The following ZDHHC21 variants were observed in gnomAD, a reference collection of about 807,000 sequenced individuals.
ZDHHC21 encodes the protein palmitoyltransferase ZDHHC21.
Under a neutral mutation model 34.6 loss-of-function variants are expected in ZDHHC21, and 15 were observed. The observed-to-expected ratio is 0.43, with a 90% CI of 0.29 to 0.67. ZDHHC21 has a LOEUF of 0.67. Among genes scored for constraint, ZDHHC21 ranks in the 30% least tolerant of loss-of-function variants. The probability of loss-of-function intolerance (pLI) is 0.14; values close to 1 mark genes in which losing one functional copy is unlikely to be tolerated. For synonymous variants in ZDHHC21, 142 were observed against 101.8 expected (o/e 1.40, Z -2.38); for missense variants, 344 against 327.7 (o/e 1.05, Z -0.38).
chr9:14,671,348 T>C (rs1835404861), intron 5 of ZDHHC21, among the ~76,000 whole-genome samples: 1 of 152,062 alleles, frequency 6.6e-6, no homozygotes, highest in Admixed American at 6.6e-5. Flanking sequence ...TATGTAATGC[T>C]TTGAGAAGAA....
chr9:14,681,330 C>G (rs2131606179), intron 2 of ZDHHC21, among the ~76,000 whole-genome samples: 1 of 152,272 alleles, frequency 6.6e-6, no homozygotes, highest in Admixed American at 6.5e-5. Context: ...AGCAATCCTC[C>G]TGCCTCAGCC....
chr9:14,627,656 T>C (rs1024833396), intron 8 of ZDHHC21, among the ~76,000 whole-genome samples: 5 of 152,118 alleles, frequency 3.3e-5, no homozygotes, highest in African/African-American at 1.2e-4. Flanking sequence ...ATATAAAAAT[T>C]AGATAAACTG....
In ZDHHC21 at chr9:14,674,361, T is replaced by G. The variant is rs755880107; in HGVS notation, c.-21A>C. The G allele has an allele frequency of 7.0e-6, 11 of 1,576,238 alleles. No homozygotes were observed. Among genetic ancestry groups the G allele is most frequent in the Non-Finnish European group, 9.4e-6 (11 of 1,165,548 alleles). On this transcript the variant is annotated 5_prime_UTR_variant, in exon 4 of 10. Coordinates refer to ENST00000380916, the MANE Select transcript of ZDHHC21 (RefSeq NM_178566.6). ...CCCATTTTGCAATCTTATAACTGCC[T>G]GCTAACCCACAAGGAAGGATGATCC...
chr9:14,672,829 C>G lies in ZDHHC21; in HGVS notation c.253+1G>C. On this transcript the variant is annotated splice_donor_variant, in intron 5 of 9. Coordinates refer to ENST00000380916, the MANE Select transcript of ZDHHC21 (RefSeq NM_178566.6). LOFTEE classifies it high-confidence loss of function. The stretch of plus-strand genomic sequence containing the variant: ...AAACTGATAAATCCAGAGTACCATA[C>G]CTCCATGTGGGATCTTGGGGTTCTC... The G allele has an allele frequency of 6.2e-7, 1 of 1,601,038 alleles. No homozygotes were observed. Among genetic ancestry groups the G allele is most frequent in the South Asian group, 1.1e-5 (1 of 89,462 alleles).
intron 8 of ZDHHC21, among the ~76,000 whole-genome samples, chr9:14,638,380 T>C (rs373612172): frequency 3.3e-5 from 5 of 152,124 alleles, no homozygotes; most frequent in South Asian, 2.1e-4. Flanking sequence ...TCTCACCATA[T>C]ACAGAAACCA....
rs778230052 is a variant in ZDHHC21, at chr9:14,674,372, A to G, written c.-32T>C. On this transcript the variant is annotated 5_prime_UTR_variant, in exon 4 of 10. Coordinates refer to ENST00000380916, the MANE Select transcript of ZDHHC21 (RefSeq NM_178566.6). ...ATCTTATAACTGCCTGCTAACCCAC[A>G]AGGAAGGATGATCCTAAGGAGAAGG... 6.4e-7 allele frequency: 1 copy of G among 1,569,244 alleles called. No individual in the cohort carries two copies. Among genetic ancestry groups the G allele is most frequent in the Non-Finnish European group, 8.6e-7 (1 of 1,162,334 alleles).
intron 7 of ZDHHC21, among the ~76,000 whole-genome samples, chr9:14,657,054 G>T (rs1305076539): frequency 2.0e-5 from 3 of 151,694 alleles, no homozygotes; most frequent in Non-Finnish European, 4.4e-5. Flanking sequence ...TTAAAAAAAG[G>T]TGACTGTCTA....
intron 9 of ZDHHC21, 123 bp from the exon 10 acceptor site, chr9:14,619,221 A>T (rs1564191165): frequency 5.7e-6 from 6 of 1,058,872 alleles, no homozygotes; most frequent in Non-Finnish European, 7.8e-6. Flanking sequence ...CCAGCATCAT[A>T]AATACAGCTT....
chr9:14,635,163 C>A (rs1376974561), intron 8 of ZDHHC21, among the ~76,000 whole-genome samples: 1 of 152,040 alleles, frequency 6.6e-6, no homozygotes, highest in East Asian at 1.9e-4. Context: ...AAAAAAAGAA[C>A]AAAGACTACA....
chr9:14,600,061 C>G, the ZDHHC21 span, among the ~76,000 whole-genome samples: 2 of 152,146 alleles, frequency 1.3e-5, no homozygotes, highest in African/African-American at 4.8e-5. Flanking sequence ...GCTGAATGGG[C>G]AAAAGCTGGA....
At position 14,618,769 on chromosome 9, in the gene ZDHHC21, A is replaced by T; in HGVS notation, c.*197T>A. ...GCTAATTTGAAAGTAAACATGCTTT[A>T]AAACTTAAATATAGATCTTGTATTA... is the stretch of plus-strand genomic sequence containing the variant. On this transcript the variant is annotated 3_prime_UTR_variant, in exon 10 of 10. Coordinates refer to ENST00000380916, the MANE Select transcript of ZDHHC21 (RefSeq NM_178566.6). 2.1e-6 allele frequency: 1 copy of T among 484,074 alleles called. No individual in the cohort carries two copies. The highest frequency in any genetic ancestry group is 3.3e-6 in the Non-Finnish European group (1 of 306,176). 30.0% of individuals were successfully genotyped at this position (484,074 alleles called of 1,614,324 possible). A position where few individuals can be genotyped will look rare whatever the true frequency, so the allele number is the denominator to read the frequency against.
At chr9:14,638,127 T>C (rs200023108) in intron 8 of ZDHHC21, among the ~76,000 whole-genome samples, 1 of 152,082 alleles carries the variant, frequency 6.6e-6, no homozygotes, top group East Asian at 1.9e-4. Flanking sequence ...CAAAGTATAT[T>C]ATGAGGCTAC....
At chr9:14,635,383 T>C (rs901379301) in intron 8 of ZDHHC21, among the ~76,000 whole-genome samples, 2 of 152,114 alleles carry the variant, frequency 1.3e-5, no homozygotes, top group Non-Finnish European at 2.9e-5. Context: ...ATTTGGCACA[T>C]CATAATCAAA....
intron 3 of ZDHHC21, among the ~76,000 whole-genome samples, chr9:14,674,830 G>A (rs954566263): frequency 6.6e-6 from 1 of 151,918 alleles, no homozygotes; most frequent in Non-Finnish European, 1.5e-5. Flanking sequence ...GTTACCTTGT[G>A]GTTGCAGGGG....
intron 2 of ZDHHC21, among the ~76,000 whole-genome samples, chr9:14,680,637 A>T (rs1040557976): frequency 6.6e-6 from 1 of 152,312 alleles, no homozygotes; most frequent in East Asian, 1.9e-4. Context: ...ATTCAAGCTT[A>T]AAAAAACATA....
At chr9:14,664,495 C>G (rs1256663267) in intron 5 of ZDHHC21, among the ~76,000 whole-genome samples, 66 of 151,832 alleles carry the variant, frequency 4.3e-4, no homozygotes, top group East Asian at 3.1e-3. Context: ...CTCGAACTGG[C>G]TGGAGCCCAC....
intron 7 of ZDHHC21, among the ~76,000 whole-genome samples, chr9:14,642,929 G>A (rs918432402): frequency 6.6e-6 from 1 of 151,324 alleles, no homozygotes; most frequent in African/African-American, 2.4e-5. Context: ...TAAAACACAT[G>A]TGTTCAGTTT....
At chr9:14,663,137 C>T (rs893700000) in intron 5 of ZDHHC21, among the ~76,000 whole-genome samples, 3 of 151,968 alleles carry the variant, frequency 2.0e-5, no homozygotes, top group South Asian at 2.1e-4. Flanking sequence ...ATTAGGTCCG[C>T]GAAAACTATG....
intron 2 of ZDHHC21, among the ~76,000 whole-genome samples, chr9:14,683,046 C>T (rs111593049): frequency 6.6e-6 from 1 of 152,000 alleles, no homozygotes; most frequent in Admixed American, 6.5e-5. Flanking sequence ...GTGTGTAGAG[C>T]GAAATTTATA....
Sources: allele counts gnomAD v4.1 joint callset (sites outside exome capture counted in the v4.1 genomes callset), GRCh38; gene constraint gnomAD v4.1.1; transcripts MANE v1.5; gene names NCBI Gene and HGNC (gene_info 2026-07-23, HGNC 2026-07-21).